Variants in SLC24A2 observed in about 807,000 individuals in gnomAD.
The protein encoded by SLC24A2 is sodium/potassium/calcium exchanger 2.
A neutral mutation model predicts 62.0 loss-of-function variants in SLC24A2; 36 were observed. The observed-to-expected ratio is 0.58, with a 90% CI of 0.44 to 0.77. The LOEUF (loss-of-function observed/expected upper bound fraction) is 0.77. Among genes scored for constraint, SLC24A2 ranks in the 30% least tolerant of loss-of-function variants. The probability of loss-of-function intolerance (pLI) is 0.00; values close to 1 mark genes in which losing one functional copy is unlikely to be tolerated. For missense variants in SLC24A2, 846 were observed against 817.9 expected (o/e 1.03, Z -0.42); for synonymous variants, 358 against 294.0 (o/e 1.22, Z -2.23).
chr9:19,832,020 GT>G, the SLC24A2 span, among the ~76,000 whole-genome samples: 92 of 152,296 alleles, frequency 6.0e-4, no homozygotes, highest in African/African-American at 2.1e-3. Flanking sequence ...TTTGTTGTTT[GT>G]TGTGAAGTCT....
At chr9:19,569,023 G>A (rs191281071) in intron 7 of SLC24A2, among the ~76,000 whole-genome samples, 1 of 152,120 alleles carries the variant, frequency 6.6e-6, no homozygotes, top group Non-Finnish European at 1.5e-5. Context: ...ATGTATTGGA[G>A]GTCATTCCAT....
chr9:20,101,090 G>C, the SLC24A2 span, among the ~76,000 whole-genome samples: 2 of 152,224 alleles, frequency 1.3e-5, no homozygotes, highest in Non-Finnish European at 2.9e-5. Flanking sequence ...AGCAAGTGGA[G>C]TGCTGAATTT....
At chr9:19,652,073 A>G (rs1353037850) in intron 2 of SLC24A2, among the ~76,000 whole-genome samples, 2 of 152,206 alleles carry the variant, frequency 1.3e-5, no homozygotes, top group African/African-American at 4.8e-5. Context: ...CATAGAGAGG[A>G]ATTTCAAATC....
At chr9:19,965,059 G>T in the SLC24A2 span, among the ~76,000 whole-genome samples, 4 of 112,786 alleles carry the variant, frequency 3.5e-5, no homozygotes, top group Non-Finnish European at 8.0e-5. Flanking sequence ...CGTGTAGATC[G>T]TGTAAGCCAG....
chr9:19,925,917 T>G, the SLC24A2 span, among the ~76,000 whole-genome samples: 1 of 152,170 alleles, frequency 6.6e-6, no homozygotes, highest in African/African-American at 2.4e-5. Flanking sequence ...GCTGGGGAAT[T>G]TCCAAGCCAA....
intron 2 of SLC24A2, among the ~76,000 whole-genome samples, chr9:19,688,322 T>C (rs1356814201): frequency 6.6e-6 from 1 of 152,084 alleles, no homozygotes; most frequent in Admixed American, 6.6e-5. Context: ...GATTGCAAAA[T>C]GAGAGAATAA....
intron 8 of SLC24A2, 42 bp from the exon 9 acceptor site, chr9:19,528,180 C>T: frequency 7.9e-7 from 1 of 1,261,700 alleles, no homozygotes; most frequent in South Asian, 1.3e-5. Context: ...CAGTGTTATC[C>T]ATTGAGACTG....
Position 19,510,212 on chromosome 9 carries a change from C to T in SLC24A2, c.*5941G>A, listed in dbSNP as rs1832665587. 6.6e-6 allele frequency: 1 copy of T among 151,886 alleles called. No homozygotes were observed. Among genetic ancestry groups the T allele is most frequent in the Non-Finnish European group, 1.5e-5 (1 of 67,986 alleles). The allele number at this position is 151,886 out of a possible 1,614,324, so 9.4% of individuals were successfully genotyped here. A position where few individuals can be genotyped will look rare whatever the true frequency, so the allele number is the denominator to read the frequency against. ...GCACCCAGTATAGTTCAACACTGTTCAGACAGTGATTATCATTAGTCATAA... is the reference window on the plus strand; with the variant it reads ...GCACCCAGTATAGTTCAACACTGTTTAGACAGTGATTATCATTAGTCATAA... On this transcript the variant is annotated 3_prime_UTR_variant, in exon 11 of 11. Transcript: ENST00000341998.
chr9:19,919,936 G>A, the SLC24A2 span, among the ~76,000 whole-genome samples: 1 of 152,216 alleles, frequency 6.6e-6, no homozygotes, highest in Middle Eastern at 3.4e-3. Flanking sequence ...TGTGGGTGGG[G>A]ACACAGCCAA....
chr9:20,275,705 A>G, the SLC24A2 span, among the ~76,000 whole-genome samples: 2 of 152,172 alleles, frequency 1.3e-5, no homozygotes, highest in Non-Finnish European at 2.9e-5. Context: ...CCATTTTCAT[A>G]TGGCTATGAA....
the SLC24A2 span, among the ~76,000 whole-genome samples, chr9:20,306,030 G>T: frequency 5.3e-5 from 8 of 152,040 alleles, no homozygotes; most frequent in Non-Finnish European, 7.4e-5. Context: ...AATGACTTCG[G>T]TTTAAATAAC....
chr9:20,103,946 T>C, the SLC24A2 span, among the ~76,000 whole-genome samples: 2 of 152,010 alleles, frequency 1.3e-5, no homozygotes, highest in Non-Finnish European at 2.9e-5. Flanking sequence ...AGTTAAAAAC[T>C]TTAAAAAAAA....
the SLC24A2 span, among the ~76,000 whole-genome samples, chr9:20,210,506 C>T: frequency 6.6e-6 from 1 of 152,014 alleles, no homozygotes. Flanking sequence ...ACAGATCTCG[C>T]TCTGTCGCCC....
the SLC24A2 span, among the ~76,000 whole-genome samples, chr9:19,831,374 T>C: frequency 6.6e-6 from 1 of 152,224 alleles, no homozygotes; most frequent in Non-Finnish European, 1.5e-5. Context: ...TTTATAGCTC[T>C]TTTAAAATTC....
chr9:19,777,601 C>G (rs1200395399), intron 2 of SLC24A2, among the ~76,000 whole-genome samples: 1 of 151,804 alleles, frequency 6.6e-6, no homozygotes, highest in African/African-American at 2.4e-5. Context: ...CCATAATAGG[C>G]CAAAAATTTG....
At chr9:20,295,548 G>A in the SLC24A2 span, among the ~76,000 whole-genome samples, 1 of 152,182 alleles carries the variant, frequency 6.6e-6, no homozygotes, top group Non-Finnish European at 1.5e-5. Context: ...AACTAGGCAG[G>A]AAGATGTGCC....
intron 4 of SLC24A2, among the ~76,000 whole-genome samples, chr9:19,612,001 A>C (rs770022077): frequency 6.6e-6 from 1 of 152,156 alleles, no homozygotes; most frequent in Non-Finnish European, 1.5e-5. Context: ...TGACTCTACT[A>C]TCCTAGGACT....
At chr9:19,692,584 A>C (rs898779791) in intron 2 of SLC24A2, among the ~76,000 whole-genome samples, 2 of 152,116 alleles carry the variant, frequency 1.3e-5, no homozygotes, top group African/African-American at 4.8e-5. Flanking sequence ...TGCTTTATTT[A>C]TTTTGTGACT....
the SLC24A2 span, among the ~76,000 whole-genome samples, chr9:20,104,261 T>C: frequency 1.3e-5 from 2 of 152,292 alleles, no homozygotes; most frequent in South Asian, 2.1e-4. Flanking sequence ...TGGAACCAAG[T>C]TGGAAAACAC....
Sources: allele counts gnomAD v4.1 joint callset (sites outside exome capture counted in the v4.1 genomes callset), GRCh38; gene constraint gnomAD v4.1.1; transcripts MANE v1.5; gene names NCBI Gene and HGNC (gene_info 2026-07-23, HGNC 2026-07-21).